SGIP1: variants seen among roughly 807,000 people sequenced by gnomAD.
SGIP1 encodes SH3GL interacting endocytic adaptor 1.
SGIP1 carries 38 observed loss-of-function variants against 107.5 expected under a neutral mutation model. The observed-to-expected ratio is 0.35, with a 90% confidence interval of 0.27 to 0.46. The LOEUF (loss-of-function observed/expected upper bound fraction) is 0.46. Among genes scored for constraint, SGIP1 ranks in the 20% least tolerant of loss-of-function variants. The pLI is 1.00. For missense variants in SGIP1, 929 were observed against 1,019.5 expected (o/e 0.91, Z 1.21); for synonymous variants, 365 against 366.1 (o/e 1.00, Z 0.03).
At position 66,717,629 on chromosome 1, in the gene SGIP1, C is replaced by A. The variant is rs1382833383; in HGVS notation, c.1631-1665C>A. On this transcript the variant is annotated intron_variant, in intron 18 of 24. Coordinates refer to ENST00000371037, the MANE Select transcript of SGIP1 (RefSeq NM_032291.4). ...GCCCACTTGGTACTATAATTGCCTACTAAGAAGGCAAAATAATAACGTCCT... is the reference window on the plus strand; with the variant it reads ...GCCCACTTGGTACTATAATTGCCTAATAAGAAGGCAAAATAATAACGTCCT... Among the ~76,000 whole-genome samples, 3 of 152,114 alleles carry A rather than the reference C, an allele frequency of 2.0e-5. No individual in the cohort carries two copies. The East Asian group carries it at 5.8e-4, about 29-fold the overall frequency.
intron 1 of SGIP1, among the ~76,000 whole-genome samples, chr1:66,577,686 G>A (rs1396236191): frequency 2.6e-5 from 4 of 151,992 alleles, no homozygotes; most frequent in Non-Finnish European, 5.9e-5. Flanking sequence ...AACATAGGAA[G>A]TGCTCAAATG....
At chr1:66,598,093 T>C (rs899013883) in intron 1 of SGIP1, among the ~76,000 whole-genome samples, 3 of 152,146 alleles carry the variant, frequency 2.0e-5, no homozygotes, top group African/African-American at 7.2e-5. Context: ...ACAATTAAAG[T>C]AGCAACCTTA....
intron 1 of SGIP1, among the ~76,000 whole-genome samples, chr1:66,550,043 G>T (rs929690463): frequency 6.6e-6 from 1 of 152,114 alleles, no homozygotes; most frequent in Non-Finnish European, 1.5e-5. Context: ...AGAGCTCATT[G>T]CTATACCCAC....
At chr1:66,573,280 T>C (rs1027025233) in intron 1 of SGIP1, among the ~76,000 whole-genome samples, 1 of 152,138 alleles carries the variant, frequency 6.6e-6, no homozygotes, top group Non-Finnish European at 1.5e-5. Context: ...TTAGTGAGGT[T>C]ACAGAGAAAA....
intron 1 of SGIP1, among the ~76,000 whole-genome samples, chr1:66,572,023 A>C (rs965788397): frequency 6.6e-6 from 1 of 152,014 alleles, no homozygotes; most frequent in Admixed American, 6.6e-5. Flanking sequence ...TTCTGTTGTA[A>C]TTATCAAGCC....
chr1:66,682,089 C>T lies in SGIP1; in HGVS notation c.1035C>T (p.Asp345=), dbSNP rs2086849897. 2 of 1,614,228 alleles carry T rather than the reference C, an allele frequency of 1.2e-6. No homozygotes were observed. The highest frequency in any genetic ancestry group is 1.7e-6 in the Non-Finnish European group (2 of 1,180,032). Residue 345 remains aspartate (D), a synonymous_variant, in exon 15 of 25, where the codon GAC becomes GAT. Coordinates refer to ENST00000371037, the MANE Select transcript of SGIP1 (RefSeq NM_032291.4). ...CAGCTACACCAGACAACCCAGCTGA[C>T]TCCCCAGCTCCAGGCCCTCTCGGCC... ...SPPATPDNPA[D]SPAPGPLGPP...
Position 66,682,097 on chromosome 1 carries a change from C to A in SGIP1, c.1043C>A (p.Ala348Asp). ...CCAGACAACCCAGCTGACTCCCCAG[C>A]TCCAGGCCCTCTCGGCCCCCCAGGT... is the stretch of plus-strand genomic sequence containing the variant. The part of the protein sequence containing the change: ...ATPDNPADSP[A>D]PGPLGPPGPT... The change falls in exon 15 of 25, where the codon GCT (alanine) becomes GAT (aspartate). Residue 348 changes from alanine (A) to aspartate (D), a missense_variant. Physicochemically the swap from Ala to Asp is moderately radical, Grantham distance 126. This residue lies in a region of SGIP1 where 588 missense variants were observed against 588.6 expected (regional missense o/e 1.00). Coordinates refer to ENST00000371037, the MANE Select transcript of SGIP1 (RefSeq NM_032291.4). 6.2e-7 allele frequency: 1 copy of A among 1,614,222 alleles called. No individual in the cohort carries two copies.
intron 12 of SGIP1, among the ~76,000 whole-genome samples, chr1:66,676,674 T>C (rs1026150701): frequency 2.6e-5 from 4 of 152,174 alleles, no homozygotes; most frequent in Non-Finnish European, 5.9e-5. Context: ...GATTTTCAAA[T>C]GGGTACCTGA....
intron 1 of SGIP1, among the ~76,000 whole-genome samples, chr1:66,605,975 G>C (rs948380118): frequency 3.9e-5 from 6 of 152,150 alleles, no homozygotes; most frequent in Non-Finnish European, 8.8e-5. Context: ...GAAGGTACAA[G>C]TCACCTTTTT....
At position 66,681,825 on chromosome 1, in the gene SGIP1, A is replaced by T. The variant is rs1241308146; in HGVS notation, c.815-44A>T. Reference sequence around the variant, plus strand: ...CCTCCCTCCCTCACTCCCCACACAAATAATAAGTCAATTAAAGTTTAAAAT... The same window carrying T: ...CCTCCCTCCCTCACTCCCCACACAATTAATAAGTCAATTAAAGTTTAAAAT... On this transcript the variant is annotated intron_variant, in intron 14 of 24. Coordinates refer to ENST00000371037, the MANE Select transcript of SGIP1 (RefSeq NM_032291.4). The T allele has an allele frequency of 6.4e-6, 10 of 1,560,070 alleles. No individual in the cohort carries two copies. In the African/African-American group the frequency reaches 1.4e-4, roughly 21 times the overall value.
chr1:66,688,793 C>G (rs1199177871), intron 15 of SGIP1, among the ~76,000 whole-genome samples: 1 of 152,066 alleles, frequency 6.6e-6, no homozygotes, highest in Non-Finnish European at 1.5e-5. Flanking sequence ...ATGCAAAATG[C>G]AAGAGAATTT....
intron 1 of SGIP1, among the ~76,000 whole-genome samples, chr1:66,617,402 T>C (rs1362373744): frequency 2.0e-5 from 3 of 152,170 alleles, no homozygotes; most frequent in Admixed American, 6.5e-5. Flanking sequence ...AGAATCTGAA[T>C]TGGATTACAG....
chr1:66,597,526 A>T (rs2064956151), intron 1 of SGIP1, among the ~76,000 whole-genome samples: 1 of 152,192 alleles, frequency 6.6e-6, no homozygotes, highest in African/African-American at 2.4e-5. Context: ...TCAGCCAGAG[A>T]TGGCAAACAT....
intron 1 of SGIP1, among the ~76,000 whole-genome samples, chr1:66,595,998 A>G (rs920243927): frequency 1.3e-5 from 2 of 152,350 alleles, no homozygotes; most frequent in African/African-American, 2.4e-5. Context: ...TAGCTTGACT[A>G]TGGTAGTGAG....
chr1:66,555,075 C>A (rs1024916725), intron 1 of SGIP1, among the ~76,000 whole-genome samples: 1 of 152,114 alleles, frequency 6.6e-6, no homozygotes, highest in African/African-American at 2.4e-5. Flanking sequence ...CAGAATGCCT[C>A]TCCGTATTTT....
At chr1:66,587,040 C>T (rs1438910875) in intron 1 of SGIP1, among the ~76,000 whole-genome samples, 1 of 152,058 alleles carries the variant, frequency 6.6e-6, no homozygotes, top group Non-Finnish European at 1.5e-5. Context: ...TCCACAGTGT[C>T]TGATAAGAAA....
intron 20 of SGIP1, among the ~76,000 whole-genome samples, chr1:66,730,240 TAAA>T (rs1325623157): frequency 1.3e-5 from 2 of 152,126 alleles, no homozygotes. Flanking sequence ...ATGTATGACA[TAAA>T]AGAAACTTAT....
At chr1:66,683,034 C>CTA (rs1008913952) in intron 15 of SGIP1, among the ~76,000 whole-genome samples, 33 of 152,276 alleles carry the variant, frequency 2.2e-4, no homozygotes, top group Non-Finnish European at 1.8e-4. Context: ...ACTCATCAGG[C>CTA]TATAGGTCAA....
Position 66,746,174 on chromosome 1 carries a change from A to G in SGIP1, c.*3079A>G. 1 of 152,196 alleles carries G rather than the reference A, an allele frequency of 6.6e-6. No homozygotes were observed. Among genetic ancestry groups the G allele is most frequent in the South Asian group, 2.1e-4 (1 of 4,834 alleles). 9.4% of individuals were successfully genotyped at this position (152,196 alleles called of 1,614,324 possible). ...TTCTTTTAGAAAAGCAGATAACTATAATACCTTGGCTCTGCCACTGACTCC... is the reference window on the plus strand; with the variant it reads ...TTCTTTTAGAAAAGCAGATAACTATGATACCTTGGCTCTGCCACTGACTCC... On this transcript the variant is annotated 3_prime_UTR_variant, in exon 25 of 25. Coordinates refer to ENST00000371037, the MANE Select transcript of SGIP1 (RefSeq NM_032291.4).
Sources: allele counts gnomAD v4.1 joint callset (sites outside exome capture counted in the v4.1 genomes callset), GRCh38; gene constraint gnomAD v4.1.1; regional missense constraint gnomAD v4.1.1; transcripts MANE v1.5; gene names NCBI Gene and HGNC (gene_info 2026-07-23, HGNC 2026-07-21).